Variants in CCDC171 observed in about 807,000 individuals in gnomAD.
CCDC171 encodes the protein coiled-coil domain containing 171, also known as coiled-coil domain-containing protein 171.
Under a neutral mutation model 168.2 loss-of-function variants are expected in CCDC171, and 177 were observed. That is an observed-to-expected ratio of 1.05 (90% CI 0.93 to 1.19). The LOEUF (loss-of-function observed/expected upper bound fraction) is 1.19, where lower values mean the gene tolerates loss of function less well. CCDC171 is among the 50% of genes most tolerant of loss of function. The pLI is 0.00. For synonymous variants in CCDC171, 687 were observed against 540.8 expected, an observed-to-expected ratio of 1.27 and a Z score of -3.75; for missense variants, 1,991 against 1,539.0, an observed-to-expected ratio of 1.29 and a Z score of -4.91.
chr9:15,809,879 T>C (rs946666178), intron 21 of CCDC171, among the ~76,000 whole-genome samples: 1 of 152,130 alleles, frequency 6.6e-6, no homozygotes, highest in African/African-American at 2.4e-5. Flanking sequence ...CACATCCTGC[T>C]GATTGGTTCA....
intron 21 of CCDC171, among the ~76,000 whole-genome samples, chr9:15,804,764 G>C (rs2058996068): frequency 6.6e-6 from 1 of 151,864 alleles, no homozygotes; most frequent in Non-Finnish European, 1.5e-5. Context: ...AGTTTGGTTG[G>C]TAAGCTGTTT....
chr9:16,058,006 G>C (rs887997165), intron 1 of CCDC171, among the ~76,000 whole-genome samples: 15 of 151,226 alleles, frequency 9.9e-5, no homozygotes, highest in African/African-American at 3.7e-4. Context: ...TTGGTTCAAG[G>C]TCTAGGGGAG....
chr9:15,573,490 T>C (rs141695433), intron 3 of CCDC171, among the ~76,000 whole-genome samples: 4,324 of 151,528 alleles, frequency 0.029, 139 homozygotes, highest in South Asian at 0.15. Context: ...CCATGTTGGC[T>C]AGGCTGGTCT....
intron 11 of CCDC171, among the ~76,000 whole-genome samples, chr9:15,708,786 G>A (rs1426101975): frequency 6.6e-6 from 1 of 152,128 alleles, no homozygotes; most frequent in Non-Finnish European, 1.5e-5. Flanking sequence ...TACCACCTAA[G>A]TTCAGGGATT....
At chr9:15,592,016 T>G (rs2042040686) in intron 5 of CCDC171, among the ~76,000 whole-genome samples, 1 of 152,192 alleles carries the variant, frequency 6.6e-6, no homozygotes, top group Non-Finnish European at 1.5e-5. Flanking sequence ...CCTAAAATTG[T>G]GAGCTATTTA....
At chr9:15,877,583 C>G (rs1021004912) in intron 24 of CCDC171, among the ~76,000 whole-genome samples, 2 of 152,040 alleles carry the variant, frequency 1.3e-5, no homozygotes, top group African/African-American at 4.8e-5. Flanking sequence ...CCAGTGAAAC[C>G]TTTCGTTTAA....
Position 15,591,567 on chromosome 9 carries a change from T to C in CCDC171, c.543+11T>C. The C allele has an allele frequency of 7.0e-7, 1 of 1,428,960 alleles. No individual in the cohort carries two copies. The highest frequency in any genetic ancestry group is 2.3e-4 in the Middle Eastern group (1 of 4,260). The allele number at this position is 1,428,960 out of a possible 1,614,324, so 88.5% of individuals were successfully genotyped here. A position where few individuals can be genotyped will look rare whatever the true frequency, so the allele number is the denominator to read the frequency against. On this transcript the variant is annotated intron_variant, in intron 5 of 25. Coordinates refer to ENST00000380701, the MANE Select transcript of CCDC171 (RefSeq NM_173550.4). Reference sequence around the variant, plus strand: ...GAGAAAACTCTACAGGTAAAATAGTTTTTATAAAGGAATTTTCCGATATGT... The same window carrying C: ...GAGAAAACTCTACAGGTAAAATAGTCTTTATAAAGGAATTTTCCGATATGT...
chr9:15,873,627 A>T (rs1387005157), intron 23 of CCDC171, among the ~76,000 whole-genome samples: 1 of 152,090 alleles, frequency 6.6e-6, no homozygotes, highest in East Asian at 1.9e-4. Context: ...TTAAAATGAG[A>T]GCTTTTTGTT....
intron 7 of CCDC171, among the ~76,000 whole-genome samples, chr9:15,626,891 G>T (rs2045174781): frequency 6.6e-6 from 1 of 152,170 alleles, no homozygotes. Flanking sequence ...AGAAGGAATG[G>T]TACCAGCTCC....
chr9:15,762,485 A>C (rs2056501530), intron 18 of CCDC171, among the ~76,000 whole-genome samples: 1 of 152,200 alleles, frequency 6.6e-6, no homozygotes, highest in South Asian at 2.1e-4. Flanking sequence ...TTCAGTTGCC[A>C]ATTATGTTAT....
intron 24 of CCDC171, among the ~76,000 whole-genome samples, chr9:15,878,446 C>G (rs981534785): frequency 4.0e-5 from 6 of 151,724 alleles, no homozygotes; most frequent in Non-Finnish European, 8.8e-5. Flanking sequence ...TCACACCAGT[C>G]AAAATGGCTA....
chr9:15,995,233 C>G (rs760362851), intron 3 of CCDC171, among the ~76,000 whole-genome samples: 1 of 152,178 alleles, frequency 6.6e-6, no homozygotes, highest in African/African-American at 2.4e-5. Context: ...CCTGCCATAA[C>G]AGGATTAATG....
intron 24 of CCDC171, among the ~76,000 whole-genome samples, chr9:15,916,335 T>C (rs2131923948): frequency 6.6e-6 from 1 of 152,126 alleles, no homozygotes; most frequent in South Asian, 2.1e-4. Flanking sequence ...GTATGAATTT[T>C]TATCCTGATT....
At chr9:15,810,046 CAG>C (rs913762129) in intron 21 of CCDC171, among the ~76,000 whole-genome samples, 1 of 152,146 alleles carries the variant, frequency 6.6e-6, no homozygotes, top group African/African-American at 2.4e-5. Context: ...GAGCTAGACA[CAG>C]AGCACTGATT....
chr9:16,072,736 A>T, the CCDC171 span, among the ~76,000 whole-genome samples: 2 of 151,900 alleles, frequency 1.3e-5, no homozygotes, highest in Non-Finnish European at 2.9e-5. Flanking sequence ...GGTCCTTTCC[A>T]TTCCCCTTTC....
chr9:15,722,791 C>G (rs1191499965), intron 12 of CCDC171, among the ~76,000 whole-genome samples: 1 of 152,046 alleles, frequency 6.6e-6, no homozygotes, highest in African/African-American at 2.4e-5. Flanking sequence ...GGTAATTGTT[C>G]AAAAGGCATA....
At chr9:16,069,426 T>TGCACGTGTGTGTGC in the CCDC171 span, among the ~76,000 whole-genome samples, 5 of 152,330 alleles carry the variant, frequency 3.3e-5, no homozygotes, top group African/African-American at 1.2e-4. Flanking sequence ...CATGTGCGTG[T>TGCACGTGTGTGTGC]GCACGTGTGT....
chr9:15,800,454 G>C (rs2058767316), intron 21 of CCDC171, among the ~76,000 whole-genome samples: 1 of 151,994 alleles, frequency 6.6e-6, no homozygotes, highest in Non-Finnish European at 1.5e-5. Flanking sequence ...TTTAAAATCA[G>C]ATTATTAGAT....
chr9:15,643,725 C>T (rs575053578), intron 7 of CCDC171, among the ~76,000 whole-genome samples: 182 of 152,302 alleles, frequency 1.2e-3, no homozygotes, highest in African/African-American at 4.2e-3. Flanking sequence ...CTGCCCTTTT[C>T]GTTCTCTCCT....
Sources: gnomAD v4.1 joint callset for allele counts (sites outside exome capture counted in the v4.1 genomes callset) on GRCh38, gnomAD v4.1.1 for gene constraint, MANE v1.5 for transcripts, NCBI Gene and HGNC (gene_info 2026-07-23, HGNC 2026-07-21) for gene names.